GIGYF2: variants seen among roughly 807,000 people sequenced by gnomAD.
The protein encoded by GIGYF2 is GRB10 interacting GYF protein 2, also known as GRB10-interacting GYF protein 2.
A neutral mutation model predicts 208.1 loss-of-function variants in GIGYF2; 25 were observed. The observed-to-expected ratio is 0.12, with a 90% CI of 0.09 to 0.17. The LOEUF (loss-of-function observed/expected upper bound fraction) is 0.17. Among genes scored for constraint, GIGYF2 ranks in the 10% least tolerant of loss-of-function variants. GIGYF2 has a pLI of 1.00. For synonymous variants in GIGYF2, 534 were observed against 543.8 expected, an observed-to-expected ratio of 0.98 and a Z score of 0.25; for missense variants, 1,302 against 1,579.4, an observed-to-expected ratio of 0.82 and a Z score of 2.98.
intron 8 of GIGYF2, chr2:232,768,412 A>G: frequency 6.2e-7 from 1 of 1,614,210 alleles, no homozygotes; most frequent in Non-Finnish European, 8.5e-7. Context: ...GACGGTAGGT[A>G]GGATGTCCTC....
At chr2:232,829,672 T>A (rs925561834) in intron 21 of GIGYF2, among the ~76,000 whole-genome samples, 1 of 152,202 alleles carries the variant, frequency 6.6e-6, no homozygotes, top group Non-Finnish European at 1.5e-5. Flanking sequence ...GGGGCTCATC[T>A]CTTTCTGGTT....
intron 8 of GIGYF2, among the ~76,000 whole-genome samples, chr2:232,783,174 CAA>C (rs1699778444): frequency 6.6e-6 from 1 of 152,106 alleles, no homozygotes; most frequent in Non-Finnish European, 1.5e-5. Flanking sequence ...TTGTGATTCT[CAA>C]ACTGTTGGAA....
chr2:232,800,463 C>T (rs1414270028), intron 14 of GIGYF2, among the ~76,000 whole-genome samples: 1 of 151,990 alleles, frequency 6.6e-6, no homozygotes. Context: ...GCCCTCTGTT[C>T]TATTTTATTG....
chr2:232,856,228 G>T (rs116019775), intron 28 of GIGYF2, among the ~76,000 whole-genome samples: 2 of 151,864 alleles, frequency 1.3e-5, no homozygotes, highest in African/African-American at 2.4e-5. Context: ...CACCACACCC[G>T]GCCTGCAGTT....
At chr2:232,717,045 C>A (rs1696716108) in intron 2 of GIGYF2, among the ~76,000 whole-genome samples, 1 of 151,802 alleles carries the variant, frequency 6.6e-6, no homozygotes, top group Non-Finnish European at 1.5e-5. Flanking sequence ...AACTCCTGGG[C>A]TCAAGCAATC....
chr2:232,809,988 ATT>A (rs1157027078), intron 16 of GIGYF2, among the ~76,000 whole-genome samples, 177 bp downstream of exon 16: 1 of 151,846 alleles, frequency 6.6e-6, no homozygotes, highest in East Asian at 1.9e-4. Context: ...TCATTTATTT[ATT>A]TATTTATTTA....
chr2:232,726,730 C>T (rs904389925), intron 2 of GIGYF2, among the ~76,000 whole-genome samples: 4 of 152,236 alleles, frequency 2.6e-5, no homozygotes, highest in African/African-American at 9.6e-5. Context: ...AAAGATAACT[C>T]AGTGGAAGAT....
chr2:232,699,770 A>G (rs1695762337), intron 1 of GIGYF2, among the ~76,000 whole-genome samples: 1 of 152,178 alleles, frequency 6.6e-6, no homozygotes, highest in African/African-American at 2.4e-5. Flanking sequence ...GTATTAACTC[A>G]AATTATCCTT....
At chr2:232,789,750 GA>G (rs370727471) in intron 9 of GIGYF2, among the ~76,000 whole-genome samples, 26 of 152,092 alleles carry the variant, frequency 1.7e-4, no homozygotes, top group African/African-American at 5.3e-4. Context: ...GTCAAGGATG[GA>G]AAATTCTAAT....
chr2:232,770,917 T>C (rs1366295731), intron 8 of GIGYF2: 1 of 1,613,050 alleles, frequency 6.2e-7, no homozygotes, highest in Non-Finnish European at 8.5e-7. Context: ...GATAAAAGCC[T>C]CTAGCATGAG....
At chr2:232,713,266 C>T (rs999081889) in intron 2 of GIGYF2, among the ~76,000 whole-genome samples, 2 of 152,072 alleles carry the variant, frequency 1.3e-5, no homozygotes, top group Non-Finnish European at 1.5e-5. Context: ...TTGGCAGAGA[C>T]AGGGTTTCAC....
chr2:232,806,223 ATTG>A lies in GIGYF2; in HGVS notation c.1640-263_1640-261del, dbSNP rs943875809. Among the ~76,000 whole-genome samples the A allele has an allele frequency of 6.6e-6, 1 of 152,210 alleles. No individual in the cohort carries two copies. The highest frequency in any genetic ancestry group is 1.5e-5 in the Non-Finnish European group (1 of 68,030). ...TGTATCATACTTTACTGACACATGA[ATTG>A]TTGTAGAGATTGAGATAGAGACAGT... On this transcript the variant is annotated intron_variant, in intron 14 of 28. Transcript: ENST00000373563. This position sits in a 1 kb window ranked among gnomAD's most constrained non-coding sequence, Gnocchi z 4.0.
intron 1 of GIGYF2, chr2:232,698,254 T>C (rs1318652410): frequency 1.3e-5 from 2 of 152,216 alleles, no homozygotes; most frequent in African/African-American, 2.4e-5. Context: ...TTTGTTGTTT[T>C]CGTTTTCCTG....
intron 21 of GIGYF2, among the ~76,000 whole-genome samples, chr2:232,821,254 G>A (rs769529474): frequency 6.6e-6 from 1 of 152,162 alleles, no homozygotes; most frequent in Non-Finnish European, 1.5e-5. Flanking sequence ...CCAGGCTGGA[G>A]CGCAGTGGTG....
rs72554081 is a variant in GIGYF2, at chr2:232,847,399, A to T, written c.3512A>T (p.His1171Leu). The change falls in exon 27 of 29, where the codon CAT becomes CTT. Residue 1171 changes from histidine to leucine, a missense_variant. His to Leu is a moderately conservative substitution (Grantham distance 99). This residue lies in a region of GIGYF2 where 701 missense variants were observed against 793.0 expected (regional missense o/e 0.88). Coordinates refer to ENST00000373563, the MANE Select transcript of GIGYF2 (RefSeq NM_001103146.3). The stretch of plus-strand genomic sequence containing the variant: ...GAAGTAGAATCTCCTTATGAGGTCC[A>T]TGATTATATCAGGGCCTATTTAGGA... ...LKEVESPYEV[H>L]DYIRAYLGDT... 1 of 1,612,158 alleles carries T rather than the reference A, an allele frequency of 6.2e-7. No homozygotes were observed.
intron 1 of GIGYF2, 108 bp downstream of exon 1, chr2:232,697,500 T>C (rs4144796): frequency 0.44 from 66,895 of 153,170 alleles, 15,191 homozygotes; most frequent in South Asian, 0.69. Flanking sequence ...GCGCCCCTGC[T>C]CCTCCTGCCC....
At chr2:232,714,051 G>A (rs1204328523) in intron 2 of GIGYF2, among the ~76,000 whole-genome samples, 1 of 151,278 alleles carries the variant, frequency 6.6e-6, no homozygotes, top group Admixed American at 6.6e-5. Context: ...CCGGGTTCAT[G>A]CCATTCTCCT....
intron 8 of GIGYF2, chr2:232,765,856 T>A: frequency 4.3e-6 from 2 of 463,034 alleles, no homozygotes; most frequent in Non-Finnish European, 9.0e-6. Flanking sequence ...ACGACATGCC[T>A]CCAGTTTGTT....
chr2:232,809,120 T>A (rs1700650025), intron 15 of GIGYF2, among the ~76,000 whole-genome samples: 1 of 152,090 alleles, frequency 6.6e-6, no homozygotes, highest in African/African-American at 2.4e-5. Flanking sequence ...GATTTTTGTA[T>A]TTTTAGTGGA....
Sources: allele counts gnomAD v4.1 joint callset (sites outside exome capture counted in the v4.1 genomes callset), GRCh38; gene constraint gnomAD v4.1.1; regional missense constraint gnomAD v4.1.1; non-coding constraint Gnocchi (gnomAD v3.1); transcripts MANE v1.5; gene names NCBI Gene and HGNC (gene_info 2026-07-23, HGNC 2026-07-21).